PRKN: variants seen among roughly 807,000 people sequenced by gnomAD.
PRKN encodes E3 ubiquitin-protein ligase parkin.
In PRKN, 56 loss-of-function variants were observed where a neutral mutation model predicts 59.5. That is an observed-to-expected ratio of 0.94 (90% CI 0.76 to 1.18). PRKN has a LOEUF of 1.18. Ranked by LOEUF, PRKN falls within the 50% of genes most tolerant of loss-of-function variation. The probability of loss-of-function intolerance (pLI) is 0.00; values close to 1 mark genes in which losing one functional copy is unlikely to be tolerated. For synonymous variants in PRKN, 250 were observed against 222.1 expected (o/e 1.13, Z -1.12); for missense variants, 657 against 596.4 (o/e 1.10, Z -1.06).
At chr6:162,227,156 G>A (rs1778217861) in intron 3 of PRKN, among the ~76,000 whole-genome samples, 1 of 152,182 alleles carries the variant, frequency 6.6e-6, no homozygotes, top group Non-Finnish European at 1.5e-5. Context: ...TTCCGCATAT[G>A]TACATCTTTA....
rs1277381154 is a variant in PRKN at position 161,686,439 on chromosome 6, A to G, written c.871+99333T>C. Among the ~76,000 whole-genome samples, 21 of 152,230 alleles carry G rather than the reference A, an allele frequency of 1.4e-4. No individual in the cohort carries two copies. In the South Asian group the frequency reaches 4.1e-3, roughly 30 times the overall value. On this transcript the variant is annotated intron_variant, in intron 7 of 11. Transcript: ENST00000366898. ...AACCCTTTGCGTAAAAATTACATAC[A>G]CACTATAATGCTCTTATAAATCTTC...
chr6:161,511,784 G>C (rs964982670), intron 9 of PRKN, among the ~76,000 whole-genome samples: 1 of 151,634 alleles, frequency 6.6e-6, no homozygotes, highest in Admixed American at 6.6e-5. Context: ...AAGTTGCCAG[G>C]TTACTGCAGA....
intron 6 of PRKN, among the ~76,000 whole-genome samples, chr6:161,918,343 TAAAG>T (rs1193952938): frequency 2.0e-5 from 3 of 152,176 alleles, no homozygotes; most frequent in Non-Finnish European, 4.4e-5. Context: ...TATGCTTTGT[TAAAG>T]AGTTATTGTC....
intron 4 of PRKN, among the ~76,000 whole-genome samples, chr6:162,109,949 T>C (rs947139093): frequency 2.6e-5 from 4 of 152,206 alleles, no homozygotes; most frequent in African/African-American, 9.6e-5. Flanking sequence ...CATATGCCAA[T>C]TGCATACCAT....
intron 3 of PRKN, among the ~76,000 whole-genome samples, chr6:162,228,085 C>T (rs912561144): frequency 2.6e-5 from 4 of 152,156 alleles, no homozygotes; most frequent in Non-Finnish European, 5.9e-5. Context: ...AACCTCACTA[C>T]GCTGAGCTCA....
At chr6:161,496,894 A>T (rs1777771475) in intron 9 of PRKN, among the ~76,000 whole-genome samples, 1 of 152,146 alleles carries the variant, frequency 6.6e-6, no homozygotes, top group South Asian at 2.1e-4. Flanking sequence ...GCAAGGAGGG[A>T]TTCTTCCCCA....
intron 1 of PRKN, among the ~76,000 whole-genome samples, chr6:162,483,941 T>C (rs1792422479): frequency 6.6e-6 from 1 of 152,206 alleles, no homozygotes; most frequent in Non-Finnish European, 1.5e-5. Flanking sequence ...GGGAATACCA[T>C]ACATTCTTGA....
At chr6:162,412,106 A>G (rs1788381081) in intron 2 of PRKN, among the ~76,000 whole-genome samples, 1 of 152,182 alleles carries the variant, frequency 6.6e-6, no homozygotes, top group Non-Finnish European at 1.5e-5. Context: ...TAAAAACAGA[A>G]TAGTAAGATG....
intron 2 of PRKN, among the ~76,000 whole-genome samples, chr6:162,362,149 A>G (rs1785173927): frequency 6.6e-6 from 1 of 152,242 alleles, no homozygotes; most frequent in Admixed American, 6.5e-5. Flanking sequence ...ATGGTTCAGT[A>G]GATAAATTAT....
intron 3 of PRKN, among the ~76,000 whole-genome samples, chr6:162,252,567 C>A (rs1239037601): frequency 6.6e-6 from 1 of 152,194 alleles, no homozygotes; most frequent in Non-Finnish European, 1.5e-5. Context: ...GAGTATGGAG[C>A]CACCGTGAAT....
At chr6:161,919,245 G>A (rs941608589) in intron 6 of PRKN, among the ~76,000 whole-genome samples, 1 of 152,202 alleles carries the variant, frequency 6.6e-6, no homozygotes, top group South Asian at 2.1e-4. Context: ...AGGGAAATAA[G>A]ACTGACAAAA....
At chr6:161,658,087 G>T (rs1341655542) in intron 7 of PRKN, among the ~76,000 whole-genome samples, 2 of 149,388 alleles carry the variant, frequency 1.3e-5, no homozygotes, top group African/African-American at 4.9e-5. Flanking sequence ...CATTTTAAAA[G>T]GATGTCACAC....
chr6:162,261,424 G>C (rs933371904), intron 3 of PRKN, among the ~76,000 whole-genome samples: 2 of 152,054 alleles, frequency 1.3e-5, no homozygotes, highest in Admixed American at 6.6e-5. Flanking sequence ...TATAATGTTG[G>C]AGCATGAGTA....
At position 162,601,171 on chromosome 6, in the gene PRKN, C is replaced by T. The variant is rs540280932; in HGVS notation, c.7+126491G>A. Among the ~76,000 whole-genome samples the T allele has an allele frequency of 3.0e-3, 452 of 152,162 alleles. 2 individuals are homozygous for T. The highest frequency in any genetic ancestry group is 7.5e-3 in the African/African-American group (311 of 41,512). ...CATGTCAAGAGGGCAAAAGCATGCGCGTCAGCTTGGGCCTCTCTTCTTCTA... is the reference window on the plus strand; with the variant it reads ...CATGTCAAGAGGGCAAAAGCATGCGTGTCAGCTTGGGCCTCTCTTCTTCTA... On this transcript the variant is annotated intron_variant, in intron 1 of 11. Coordinates refer to ENST00000366898, the MANE Select transcript of PRKN (RefSeq NM_004562.3).
intron 5 of PRKN, among the ~76,000 whole-genome samples, chr6:162,012,417 TTAAC>T (rs1234170354): frequency 6.6e-6 from 1 of 151,902 alleles, no homozygotes; most frequent in Non-Finnish European, 1.5e-5. Flanking sequence ...ATATACATAT[TTAAC>T]TATATATAAT....
In PRKN at chr6:161,370,350, C is replaced by T. The variant is rs111849614; in HGVS notation, c.1168-10145G>A. On this transcript the variant is annotated intron_variant, in intron 10 of 11. Transcript: ENST00000366898. ...CTGTAATCCCAGCACTTTGGGAGGC[C>T]GAGGCGGGTGGATCACGAGGTCAGA... Among the ~76,000 whole-genome samples, 978 of 150,548 alleles carry T rather than the reference C, an allele frequency of 6.5e-3. 9 individuals are homozygous for T. Among genetic ancestry groups the T allele is most frequent in the African/African-American group, 0.022 (893 of 40,856 alleles).
At chr6:162,387,413 A>T (rs1357485378) in intron 2 of PRKN, among the ~76,000 whole-genome samples, 1 of 152,060 alleles carries the variant, frequency 6.6e-6, no homozygotes, top group Non-Finnish European at 1.5e-5. Context: ...GTTACGAATA[A>T]TTTTTGTTGT....
intron 5 of PRKN, among the ~76,000 whole-genome samples, chr6:162,052,673 G>A (rs1484422630): frequency 6.6e-6 from 1 of 152,044 alleles, no homozygotes; most frequent in East Asian, 1.9e-4. Context: ...CAGGAAGAGT[G>A]AATATTGGCC....
At chr6:162,250,190 G>GGC (rs1779371679) in intron 3 of PRKN, among the ~76,000 whole-genome samples, 1 of 151,742 alleles carries the variant, frequency 6.6e-6, no homozygotes, top group African/African-American at 2.4e-5. Flanking sequence ...TTTATAAGGG[G>GGC]GGGGGCAGGG....
Sources: allele counts gnomAD v4.1 joint callset (sites outside exome capture counted in the v4.1 genomes callset), GRCh38; gene constraint gnomAD v4.1.1; transcripts MANE v1.5; gene names NCBI Gene and HGNC (gene_info 2026-07-23, HGNC 2026-07-21).